The following PXYLP1 variants were observed in gnomAD, a reference collection of about 807,000 sequenced individuals.
PXYLP1 encodes the protein 2-phosphoxylose phosphatase 1.
In PXYLP1, 17 loss-of-function variants were observed where a neutral mutation model predicts 37.9. The observed-to-expected ratio is 0.45, with a 90% confidence interval of 0.31 to 0.67. PXYLP1 has a LOEUF of 0.67. Among genes scored for constraint, PXYLP1 ranks in the 30% least tolerant of loss-of-function variants. The probability of loss-of-function intolerance (pLI) is 0.07; values close to 1 mark genes in which losing one functional copy is unlikely to be tolerated. For missense variants in PXYLP1, 511 were observed against 612.0 expected (o/e 0.84, Z 1.74); for synonymous variants, 221 against 232.2 (o/e 0.95, Z 0.44).
At chr3:141,273,035 T>A (rs1319812610) in intron 2 of PXYLP1, 1 of 985,320 alleles carries the variant, frequency 1.0e-6, no homozygotes. Flanking sequence ...ATCGTTTCCA[T>A]ACCTGCACCC....
chr3:141,262,831 C>G (rs1489280361), intron 2 of PXYLP1: 1 of 811,384 alleles, frequency 1.2e-6, no homozygotes, highest in South Asian at 1.6e-5. Flanking sequence ...AGAAACAGCA[C>G]TAATTCATAA....
chr3:141,272,843 T>A (rs1014476269), intron 2 of PXYLP1: 2 of 352,812 alleles, frequency 5.7e-6, no homozygotes, highest in Non-Finnish European at 4.0e-6. Context: ...CCCACCCAGA[T>A]TGAGGGTGGG....
rs1037634649 is a variant in PXYLP1, at chr3:141,294,538, T to C, written c.*1333T>C. ...GAGAAATGGAAAGTGAAAGTGAGAT[T>C]CTCTGTTGTCATCGGCATTCCAACT... On this transcript the variant is annotated 3_prime_UTR_variant, in exon 6 of 6. Transcript: ENST00000286353. 5.9e-5 allele frequency: 9 copies of C among 152,224 alleles called. No individual in the cohort carries two copies. The highest frequency in any genetic ancestry group is 1.2e-4 in the Non-Finnish European group (8 of 68,040). 9.4% of individuals were successfully genotyped at this position (152,224 alleles called of 1,614,324 possible). A position where few individuals can be genotyped will look rare whatever the true frequency, so the allele number is the denominator to read the frequency against.
chr3:141,275,519 G>A (rs1035185745), intron 2 of PXYLP1, among the ~76,000 whole-genome samples: 1 of 152,262 alleles, frequency 6.6e-6, no homozygotes, highest in African/African-American at 2.4e-5. Flanking sequence ...TTTCACAAAA[G>A]AGCAGAATCA....
intron 5 of PXYLP1, among the ~76,000 whole-genome samples, chr3:141,289,966 G>A (rs1942163396): frequency 6.6e-6 from 1 of 152,126 alleles, no homozygotes; most frequent in Admixed American, 6.5e-5. Flanking sequence ...TTCTAAATTA[G>A]TGTTACTCTA....
intron 2 of PXYLP1, chr3:141,274,059 C>G (rs747945547): frequency 2.1e-5 from 21 of 987,652 alleles, no homozygotes; most frequent in Admixed American, 6.0e-5. Flanking sequence ...TGCCTGAGGT[C>G]AGCAGAGTTT....
At chr3:141,257,729 C>T (rs569122189) in intron 1 of PXYLP1, among the ~76,000 whole-genome samples, 1 of 152,024 alleles carries the variant, frequency 6.6e-6, no homozygotes, top group East Asian at 1.9e-4. Flanking sequence ...TGGTGAAACC[C>T]TGTCTCTACT....
intron 2 of PXYLP1, among the ~76,000 whole-genome samples, chr3:141,268,568 G>A (rs920927181): frequency 5.3e-5 from 8 of 152,236 alleles, no homozygotes; most frequent in Non-Finnish European, 8.8e-5. Flanking sequence ...AATGAAGTGA[G>A]TGCTGATCAG....
In PXYLP1 at chr3:141,293,084, G is replaced by A. The variant is rs114061733; in HGVS notation, c.1322G>A (p.Arg441His). Reference protein sequence around the residue: ...HTSFCQDHHKRSPKPMCPLEN... With the variant: ...HTSFCQDHHKHSPKPMCPLEN... Reference sequence around the variant, plus strand: ...TCTTTCTGCCAAGACCACCACAAGCGTTCTCCCAAGCCCATGTGCCCGCTT... The same window carrying A: ...TCTTTCTGCCAAGACCACCACAAGCATTCTCCCAAGCCCATGTGCCCGCTT... Residue 441 changes from arginine (R) to histidine (H), a missense_variant, in exon 6 of 6, where the codon CGT (arginine) becomes CAT (histidine). Arg to His is a conservative substitution (Grantham distance 29, BLOSUM62 0). Transcript: ENST00000286353. 1,285 of 1,614,148 alleles carry A rather than the reference G, an allele frequency of 8.0e-4. 9 individuals carry two copies. The African/African-American group carries it at 0.015, about 19-fold the overall frequency.
At position 141,293,941 on chromosome 3, in the gene PXYLP1, G is replaced by A. The variant is rs1942293613; in HGVS notation, c.*736G>A. ...CAAGAATTATTCAATGGTTCCTCCA[G>A]TAACTTCTGCTAGAAACACAGAATT... On this transcript the variant is annotated 3_prime_UTR_variant, in exon 6 of 6. Transcript: ENST00000286353. The A allele has an allele frequency of 1.3e-5, 2 of 152,206 alleles. No individual in the cohort carries two copies. The highest frequency in any genetic ancestry group is 2.9e-5 in the Non-Finnish European group (2 of 68,038). The allele number at this position is 152,206 out of a possible 1,614,324, so 9.4% of individuals were successfully genotyped here.
At chr3:141,281,404 C>T (rs1941951045) in intron 4 of PXYLP1, among the ~76,000 whole-genome samples, 2 of 152,086 alleles carry the variant, frequency 1.3e-5, no homozygotes, top group African/African-American at 2.4e-5. Flanking sequence ...TCTGAGGAGT[C>T]GAAGAAGAAA....
At chr3:141,249,801 C>T (rs1323844488) in intron 1 of PXYLP1, among the ~76,000 whole-genome samples, 5 of 151,974 alleles carry the variant, frequency 3.3e-5, no homozygotes, top group African/African-American at 9.7e-5. Flanking sequence ...AAAGCAGTAA[C>T]GTTGGATGGA....
chr3:141,236,121 C>T (rs781231359), intron 1 of PXYLP1, among the ~76,000 whole-genome samples: 11 of 152,334 alleles, frequency 7.2e-5, no homozygotes, highest in Admixed American at 5.2e-4. Flanking sequence ...CTGCCCCTCC[C>T]TCCATCAGTG....
At chr3:141,274,685 C>T in intron 2 of PXYLP1, 1 of 707,736 alleles carries the variant, frequency 1.4e-6, no homozygotes, top group Non-Finnish European at 2.6e-6. Flanking sequence ...AAGACGCACA[C>T]TCCCAGCCCT....
At chr3:141,241,477 T>G in intron 1 of PXYLP1, among the ~76,000 whole-genome samples, 1 of 152,090 alleles carries the variant, frequency 6.6e-6, no homozygotes, top group Non-Finnish European at 1.5e-5. Flanking sequence ...TGCCCAGTAT[T>G]GGAAGATGTC....
chr3:141,270,322 G>A (rs571586228), intron 2 of PXYLP1, among the ~76,000 whole-genome samples: 20 of 152,346 alleles, frequency 1.3e-4, no homozygotes, highest in Non-Finnish European at 1.5e-4. Context: ...ACAAATGTGG[G>A]CTTGACTTTT....
chr3:141,236,728 G>A (rs1189576762), intron 1 of PXYLP1, among the ~76,000 whole-genome samples: 2 of 152,172 alleles, frequency 1.3e-5, no homozygotes, highest in African/African-American at 4.8e-5. Flanking sequence ...TTACTGTCTT[G>A]TTAAGGCTTT....
chr3:141,274,717 G>T, intron 2 of PXYLP1: 1 of 701,006 alleles, frequency 1.4e-6, no homozygotes, highest in Non-Finnish European at 2.6e-6. Flanking sequence ...GGATGGCAGG[G>T]TGACAAACTG....
At chr3:141,287,526 C>T in intron 5 of PXYLP1, 73 bp downstream of exon 5, 1 of 1,554,708 alleles carries the variant, frequency 6.4e-7, no homozygotes, top group Non-Finnish European at 8.7e-7. Flanking sequence ...GAGCAGTTCT[C>T]CTGGGCGGGG....
Sources: allele counts gnomAD v4.1 joint callset (sites outside exome capture counted in the v4.1 genomes callset), GRCh38; gene constraint gnomAD v4.1.1; transcripts MANE v1.5; gene names NCBI Gene and HGNC (gene_info 2026-07-23, HGNC 2026-07-21).